Variants in CCDC93 observed in about 807,000 individuals in gnomAD.
CCDC93 encodes CCC complex scaffolding subunit CCDC93.
CCDC93 carries 61 observed loss-of-function variants against 108.2 expected under a neutral mutation model. That is an observed-to-expected ratio of 0.56 (90% CI 0.46 to 0.70). The LOEUF (loss-of-function observed/expected upper bound fraction) is 0.70, where lower values mean the gene tolerates loss of function less well. Among genes scored for constraint, CCDC93 ranks in the 30% least tolerant of loss-of-function variants. CCDC93 has a pLI of 0.00. For synonymous variants in CCDC93, 276 were observed against 260.4 expected (o/e 1.06, Z -0.58); for missense variants, 685 against 764.2 (o/e 0.90, Z 1.22).
intron 6 of CCDC93, among the ~76,000 whole-genome samples, chr2:117,986,910 T>C (rs1335406692): frequency 2.0e-5 from 3 of 152,062 alleles, no homozygotes; most frequent in African/African-American, 7.2e-5. Flanking sequence ...CTACATGGTG[T>C]CAGTTACTGT....
At chr2:117,969,430 C>A (rs1679690941) in intron 11 of CCDC93, among the ~76,000 whole-genome samples, 1 of 152,172 alleles carries the variant, frequency 6.6e-6, no homozygotes, top group South Asian at 2.1e-4. Flanking sequence ...TAAGCTGTGC[C>A]CAACTGCTGC....
At chr2:117,949,927 G>A (rs1468438398) in intron 13 of CCDC93, 1 of 985,272 alleles carries the variant, frequency 1.0e-6, no homozygotes, top group Non-Finnish European at 1.2e-6. Flanking sequence ...GGACTGGTGT[G>A]CAGTGTTGGG....
intron 3 of CCDC93, 177 bp from the exon 4 acceptor site, chr2:118,001,109 G>C: frequency 3.8e-6 from 2 of 523,770 alleles, no homozygotes; most frequent in Non-Finnish European, 6.8e-6. Context: ...CAATTTGGTG[G>C]TGTGTAGGTG....
chr2:117,925,994 T>C (rs980578129), intron 23 of CCDC93, among the ~76,000 whole-genome samples: 2 of 152,122 alleles, frequency 1.3e-5, no homozygotes, highest in African/African-American at 2.4e-5. Context: ...ACATGGAAAC[T>C]GAACAACCTG....
At chr2:118,003,037 T>TAAAAC (rs543492049) in intron 3 of CCDC93, among the ~76,000 whole-genome samples, 2 of 152,132 alleles carry the variant, frequency 1.3e-5, no homozygotes, top group South Asian at 2.1e-4. Flanking sequence ...CTCTGTCTCT[T>TAAAAC]AAAACAAAAC....
intron 18 of CCDC93, among the ~76,000 whole-genome samples, chr2:117,941,965 G>C (rs1229961170): frequency 6.6e-6 from 1 of 152,138 alleles, no homozygotes; most frequent in Non-Finnish European, 1.5e-5. Flanking sequence ...TTCTGTGCCT[G>C]CATCCCTTTG....
Position 118,006,793 on chromosome 2 carries a change from A to C in CCDC93, c.180T>G (p.Cys60Trp). ...CTACATCAAAGTTGCAAGTGGTGATACACCAAGTCATTCCTCCTACTACCT... is the reference window on the plus strand; with the variant it reads ...CTACATCAAAGTTGCAAGTGGTGATCCACCAAGTCATTCCTCCTACTACCT... ...FDKVVGGMTW[C>W]ITTCNFDVDV... The change falls in exon 3 of 24, where the codon TGT becomes TGG. Residue 60 changes from cysteine to tryptophan, a missense_variant. Physicochemically the swap from Cys to Trp is radical, Grantham distance 215. Coordinates refer to ENST00000376300, the MANE Select transcript of CCDC93 (RefSeq NM_019044.5). 6.2e-7 allele frequency: 1 copy of C among 1,610,160 alleles called. No homozygotes were observed. The highest frequency in any genetic ancestry group is 1.7e-4 in the Middle Eastern group (1 of 6,054).
intron 5 of CCDC93, chr2:117,995,741 C>A: frequency 2.4e-6 from 1 of 416,646 alleles, no homozygotes; most frequent in African/African-American, 2.1e-5. Context: ...AGGAATAGTG[C>A]TTAAGACGAG....
intron 8 of CCDC93, 46 bp downstream of exon 8, chr2:117,977,948 C>G: frequency 6.4e-7 from 1 of 1,566,910 alleles, no homozygotes; most frequent in South Asian, 1.1e-5. Flanking sequence ...AAGGGAGTCA[C>G]TTCCATCTCT....
chr2:117,978,027 T>A lies in CCDC93; in HGVS notation c.624A>T (p.Arg208Ser), dbSNP rs1285924926. The A allele has an allele frequency of 3.1e-6, 5 of 1,613,596 alleles. No individual in the cohort carries two copies. In the African/African-American group the frequency reaches 4.0e-5, roughly 13 times the overall value. ...TTTTGCTCTGGCGGCTAAATCCATA[T>A]CTCCTGCAGGCCACAAAAAAGGAGT... The part of the protein sequence containing the change: ...IHATLLEYGR[R>S]YGFSRQSKME... The change falls in exon 8 of 24, where the codon AGA (arginine) becomes AGT (serine). Residue 208 changes from arginine to serine, a missense_variant. Physicochemically the swap from Arg to Ser is moderately radical, Grantham distance 110. Transcript: ENST00000376300.
intron 12 of CCDC93, among the ~76,000 whole-genome samples, chr2:117,957,134 C>T (rs1387055007): frequency 6.6e-6 from 1 of 152,100 alleles, no homozygotes; most frequent in African/African-American, 2.4e-5. Flanking sequence ...AAGTGATCTG[C>T]CCCTCCTCAG....
chr2:117,942,854 G>GC (rs1678745757), intron 18 of CCDC93, among the ~76,000 whole-genome samples: 1 of 152,160 alleles, frequency 6.6e-6, no homozygotes, highest in African/African-American at 2.4e-5. Flanking sequence ...ACTTTGAAAA[G>GC]CCCCAAACAG....
intron 23 of CCDC93, among the ~76,000 whole-genome samples, chr2:117,923,231 C>G (rs1490318031): frequency 1.3e-5 from 2 of 152,102 alleles, no homozygotes; most frequent in African/African-American, 2.4e-5. Flanking sequence ...AACTGAGGTA[C>G]CGGGTTCACC....
At chr2:117,946,364 G>A (rs1678872897) in intron 16 of CCDC93, among the ~76,000 whole-genome samples, 2 of 152,218 alleles carry the variant, frequency 1.3e-5, no homozygotes, top group Admixed American at 1.3e-4. Flanking sequence ...GACTGCTCCT[G>A]CAAGCCTAGG....
intron 20 of CCDC93, 46 bp downstream of exon 20, chr2:117,938,983 T>A: frequency 2.0e-6 from 2 of 1,013,598 alleles, no homozygotes; most frequent in South Asian, 1.3e-5. Flanking sequence ...TGGAGTCAAC[T>A]GCACTGTTAG....
rs1486705146 is a variant in CCDC93 at position 117,982,368 on chromosome 2, C to A, written c.620+3601G>T. On this transcript the variant is annotated intron_variant, in intron 7 of 23. Transcript: ENST00000376300. ...ACAAAACTGAAATATTATAGGTGTG[C>A]AATTTTGTTTACATCCAAAATCAAA... Among the ~76,000 whole-genome samples the A allele has an allele frequency of 1.3e-5, 2 of 152,230 alleles. 1 individual carries two copies. Among genetic ancestry groups the A allele is most frequent in the Middle Eastern group, 6.8e-3 (2 of 294 alleles).
At chr2:117,975,114 G>T in intron 9 of CCDC93, 74 bp downstream of exon 9, 3 of 1,344,784 alleles carry the variant, frequency 2.2e-6, no homozygotes, top group African/African-American at 1.4e-5. Flanking sequence ...ATTTGGGAAC[G>T]CTAGGGATAA....
chr2:117,986,692 C>T (rs151189690), intron 6 of CCDC93, among the ~76,000 whole-genome samples: 2 of 152,210 alleles, frequency 1.3e-5, no homozygotes, highest in East Asian at 3.9e-4. Context: ...TTCGAGCATA[C>T]AGAAAAACAT....
At chr2:117,950,395 G>A in intron 13 of CCDC93, 1 of 985,384 alleles carries the variant, frequency 1.0e-6, no homozygotes, top group Non-Finnish European at 1.2e-6. Flanking sequence ...CGAAATTAGA[G>A]TTGTGACTGC....
Sources: gnomAD v4.1 joint callset for allele counts (sites outside exome capture counted in the v4.1 genomes callset) on GRCh38, gnomAD v4.1.1 for gene constraint, MANE v1.5 for transcripts, NCBI Gene and HGNC (gene_info 2026-07-23, HGNC 2026-07-21) for gene names.